The following ZSWIM4 variants were observed in gnomAD, a reference collection of about 807,000 sequenced individuals.
ZSWIM4 encodes the protein zinc finger SWIM domain-containing protein 4.
ZSWIM4 carries 62 observed loss-of-function variants against 102.5 expected under a neutral mutation model. That is an observed-to-expected ratio of 0.60 (90% CI 0.49 to 0.75). The LOEUF is 0.75. Ranked by LOEUF, ZSWIM4 falls within the 30% of genes least tolerant of loss-of-function variation. The pLI is 0.00. For missense variants in ZSWIM4, 1,280 were observed against 1,529.6 expected, an observed-to-expected ratio of 0.84 and a Z score of 2.72; for synonymous variants, 652 against 674.5, an observed-to-expected ratio of 0.97 and a Z score of 0.52.
At chr19:13,804,680 C>A in intron 2 of ZSWIM4, 112 bp from the exon 3 acceptor site, 1 of 808,484 alleles carries the variant, frequency 1.2e-6, no homozygotes, top group Non-Finnish European at 2.0e-6. Context: ...AGTGAGGTGA[C>A]TTGTGCTAGT....
At chr19:13,813,287 G>T (rs1975160414) in intron 6 of ZSWIM4, 123 bp downstream of exon 6, 2 of 803,668 alleles carry the variant, frequency 2.5e-6, no homozygotes. Flanking sequence ...GCAGACCCCA[G>T]TCCTTGGCTG....
rs1285218438 is a variant in ZSWIM4, at chr19:13,795,677, G to A, written c.29G>A (p.Arg10Gln). 143 of 1,018,646 alleles carry A rather than the reference G, an allele frequency of 1.4e-4. No homozygotes were observed. Among genetic ancestry groups the A allele is most frequent in the Non-Finnish European group, 2.1e-5 (17 of 805,592 alleles). The allele number at this position is 1,018,646 out of a possible 1,614,324, so 63.1% of individuals were successfully genotyped here. A position where few individuals can be genotyped will look rare whatever the true frequency, so the allele number is the denominator to read the frequency against. Residue 10 changes from arginine to glutamine, a missense_variant, in exon 1 of 14, where the codon CGG becomes CAG. By Grantham distance (43) the Arg-to-Gln change is conservative. Transcript: ENST00000590508. MEPPAAKRSRGCPAGPEERD... is the reference protein window; with the variant it reads MEPPAAKRSQGCPAGPEERD... ...GAACCCCCCGCGGCCAAGCGGAGCCGGGGCTGCCCCGCGGGACCCGAGGAG... is the reference window on the plus strand; with the variant it reads ...GAACCCCCCGCGGCCAAGCGGAGCCAGGGCTGCCCCGCGGGACCCGAGGAG...
chr19:13,802,644 TA>T, intron 2 of ZSWIM4, among the ~76,000 whole-genome samples: 1 of 150,932 alleles, frequency 6.6e-6, no homozygotes, highest in Middle Eastern at 3.4e-3. Context: ...AGTGGCGCGA[TA>T]ATAGCTCACT....
rs571183694 is a variant in ZSWIM4, at chr19:13,801,428, C to G, written c.355+1507C>G. ...AGCAGTGAGAGGAGGCTCCAGACCT[C>G]GGGCTGAGGGACCCAGTGATGCTTT... On this transcript the variant is annotated intron_variant, in intron 2 of 13. Transcript: ENST00000590508. Among the ~76,000 whole-genome samples the G allele has an allele frequency of 5.3e-5, 8 of 152,248 alleles. No homozygotes were observed. In the East Asian group the frequency reaches 1.4e-3, roughly 26 times the overall value.
intron 12 of ZSWIM4, among the ~76,000 whole-genome samples, chr19:13,828,229 T>C (rs1975663171): frequency 2.6e-5 from 4 of 151,860 alleles, no homozygotes; most frequent in African/African-American, 9.7e-5. Context: ...GCCAACATAG[T>C]GAAACCCCAT....
Position 13,830,809 on chromosome 19 carries a change from C to A in ZSWIM4, c.3080C>A (p.Ala1027Glu). ...RAAKPLGADR[A>E]PLCQLLDAAV... ...GCCAAGCCACTGGGTGCCGACCGGG[C>A]GCCGCTCTGCCAGCTCCTGGACGCG... is the stretch of plus-strand genomic sequence containing the variant. Residue 1027 changes from alanine to glutamate, a missense_variant, in exon 14 of 14, where the codon GCG (alanine) becomes GAG (glutamate). Ala to Glu is a moderately radical substitution (Grantham distance 107). Coordinates refer to ENST00000590508, the MANE Select transcript of ZSWIM4 (RefSeq NM_001367834.3). 6.2e-7 allele frequency: 1 copy of A among 1,604,432 alleles called. No individual in the cohort carries two copies. Among genetic ancestry groups the A allele is most frequent in the Non-Finnish European group, 8.5e-7 (1 of 1,174,486 alleles).
intron 12 of ZSWIM4, among the ~76,000 whole-genome samples, chr19:13,826,593 C>T (rs1223963280): frequency 2.6e-5 from 4 of 151,954 alleles, no homozygotes; most frequent in Non-Finnish European, 2.9e-5. Context: ...GATGAAACTC[C>T]GTCTCTACTA....
intron 2 of ZSWIM4, among the ~76,000 whole-genome samples, chr19:13,801,498 A>C (rs2594717): frequency 6.6e-6 from 1 of 151,758 alleles, no homozygotes; most frequent in African/African-American, 2.4e-5. Flanking sequence ...CCTAGACCTC[A>C]GGCAGTGGGG....
At chr19:13,800,014 G>A (rs879000274) in intron 2 of ZSWIM4, 93 bp downstream of exon 2, 3 of 1,310,852 alleles carry the variant, frequency 2.3e-6, no homozygotes, top group South Asian at 1.3e-5. Context: ...GGGGCCAGGG[G>A]ATGGGAGGTT....
chr19:13,808,927 A>G lies in ZSWIM4; in HGVS notation c.804A>G (p.Leu268=), dbSNP rs1347318731. 5.6e-6 allele frequency: 9 copies of G among 1,611,548 alleles called. No individual in the cohort carries two copies. The highest frequency in any genetic ancestry group is 7.6e-6 in the Non-Finnish European group (9 of 1,179,070). Residue 268 remains leucine (L), a synonymous_variant, in exon 4 of 14, where the codon CTA becomes CTG. Coordinates refer to ENST00000590508, the MANE Select transcript of ZSWIM4 (RefSeq NM_001367834.3). ...EEQIQEQVKQ[L]LSNGGYYGAS... ...AGATCCAGGAGCAGGTGAAGCAGCT[A>G]CTGTCCAATGGCGGCTACTACGGGG... is the stretch of plus-strand genomic sequence containing the variant.
chr19:13,819,585 A>G, intron 10 of ZSWIM4, 93 bp downstream of exon 10: 1 of 1,455,738 alleles, frequency 6.9e-7, no homozygotes, highest in Non-Finnish European at 9.2e-7. Flanking sequence ...ATCCAGCCTG[A>G]ACTCACAGCC....
chr19:13,807,742 CATGGATGGATGCATGG>C (rs1440967300), intron 3 of ZSWIM4, among the ~76,000 whole-genome samples: 1 of 123,618 alleles, frequency 8.1e-6, no homozygotes, highest in African/African-American at 3.2e-5. Flanking sequence ...CAGATGGATG[CATGGATGGATGCATGG>C]ATGGATGGAT....
chr19:13,813,379 A>G (rs1207485253), intron 6 of ZSWIM4, among the ~76,000 whole-genome samples: 1 of 152,204 alleles, frequency 6.6e-6, no homozygotes, highest in Non-Finnish European at 1.5e-5. Flanking sequence ...CAAGTGGGCA[A>G]GTGAAGTAAA....
At chr19:13,806,049 ATT>A (rs1365223741) in intron 3 of ZSWIM4, among the ~76,000 whole-genome samples, 1 of 141,628 alleles carries the variant, frequency 7.1e-6, no homozygotes. Flanking sequence ...GGTGGGGGAT[ATT>A]TTTTTTTTTG....
chr19:13,828,620 C>T (rs755323381), intron 12 of ZSWIM4, 25 bp from the exon 13 acceptor site: 21 of 1,613,240 alleles, frequency 1.3e-5, no homozygotes, highest in East Asian at 2.2e-5. Context: ...AGGCTAACCC[C>T]CTTCTCCCCA....
At chr19:13,800,266 T>C (rs1974730760) in intron 2 of ZSWIM4, among the ~76,000 whole-genome samples, 1 of 73,682 alleles carries the variant, frequency 1.4e-5, no homozygotes, top group Non-Finnish European at 2.4e-5. Context: ...TTTTTTTTTT[T>C]TTTTTTTTTT....
chr19:13,817,376 G>A lies in ZSWIM4; in HGVS notation c.1669+23G>A, dbSNP rs1975321226. The A allele has an allele frequency of 1.9e-6, 3 of 1,603,390 alleles. No individual in the cohort carries two copies. In the East Asian group the frequency reaches 6.7e-5, roughly 36 times the overall value. ...CAGGTACTCACATGGGGTACTCTTG[G>A]AGGAGGTGGGACAACCCCGCCTCGT... On this transcript the variant is annotated intron_variant, in intron 8 of 13. Coordinates refer to ENST00000590508, the MANE Select transcript of ZSWIM4 (RefSeq NM_001367834.3).
chr19:13,825,571 C>T lies in ZSWIM4; in HGVS notation c.2237C>T (p.Thr746Met), dbSNP rs62620757. Reference protein sequence around the residue: ...AAKGDPKWLHTVLGSIQQNIH... With the variant: ...AAKGDPKWLHMVLGSIQQNIH... The stretch of plus-strand genomic sequence containing the variant: ...CCAGGAGACCCCAAGTGGCTGCACA[C>T]GGTACTGGGCTCCATCCAGCAGAAC... Residue 746 changes from threonine (T) to methionine (M), a missense_variant, in exon 12 of 14, where the codon ACG becomes ATG. Physicochemically the swap from Thr to Met is moderately conservative, Grantham distance 81. Coordinates refer to ENST00000590508, the MANE Select transcript of ZSWIM4 (RefSeq NM_001367834.3). This position sits in a 1 kb window ranked among gnomAD's most constrained non-coding sequence, Gnocchi z 4.6. The T allele has an allele frequency of 0.085, 136,886 of 1,613,996 alleles. 6,421 individuals carry two copies. Among genetic ancestry groups the T allele is most frequent in the African/African-American group, 0.15 (11,177 of 75,036 alleles).
At position 13,817,364 on chromosome 19, in the gene ZSWIM4, G is replaced by A; in HGVS notation, c.1669+11G>A. The A allele has an allele frequency of 1.2e-6, 2 of 1,608,964 alleles. No individual in the cohort carries two copies. The highest frequency in any genetic ancestry group is 1.7e-6 in the Non-Finnish European group (2 of 1,176,322). ...TTACCCTTTACCCAGGTACTCACAT[G>A]GGGTACTCTTGGAGGAGGTGGGACA... On this transcript the variant is annotated intron_variant, in intron 8 of 13. Coordinates refer to ENST00000590508, the MANE Select transcript of ZSWIM4 (RefSeq NM_001367834.3).
Sources: gnomAD v4.1 joint callset for allele counts (sites outside exome capture counted in the v4.1 genomes callset) on GRCh38, gnomAD v4.1.1 for gene constraint, Gnocchi (gnomAD v3.1) non-coding constraint, MANE v1.5 for transcripts, NCBI Gene and HGNC (gene_info 2026-07-23, HGNC 2026-07-21) for gene names.